MGAT4C: variants seen among roughly 807,000 people sequenced by gnomAD.
MGAT4C encodes the protein MGAT4 family member C.
MGAT4C carries 19 observed loss-of-function variants against 40.1 expected under a neutral mutation model. The observed-to-expected ratio is 0.47, with a 90% CI of 0.33 to 0.70. The LOEUF is 0.70. Ranked by LOEUF, MGAT4C falls within the 30% of genes least tolerant of loss-of-function variation. The pLI is 0.02. For missense variants in MGAT4C, 491 were observed against 563.2 expected (o/e 0.87, Z 1.30); for synonymous variants, 181 against 187.1 (o/e 0.97, Z 0.27).
At chr12:86,396,217 G>A (rs930986496) in intron 3 of MGAT4C, among the ~76,000 whole-genome samples, 1 of 152,060 alleles carries the variant, frequency 6.6e-6, no homozygotes, top group African/African-American at 2.4e-5. Context: ...TGATACCCAG[G>A]CTCCAGTTCA....
At chr12:86,814,117 G>T (rs1020719639) in intron 1 of MGAT4C, among the ~76,000 whole-genome samples, 5 of 151,756 alleles carry the variant, frequency 3.3e-5, no homozygotes, top group African/African-American at 9.7e-5. Context: ...TCACCGTGTT[G>T]CCCAGGCTGG....
chr12:86,151,792 T>C (rs550305973), intron 1 of MGAT4C, among the ~76,000 whole-genome samples: 3 of 152,396 alleles, frequency 2.0e-5, no homozygotes, highest in East Asian at 3.9e-4. Flanking sequence ...TGGCTCATAG[T>C]CATGGCTTAT....
intron 3 of MGAT4C, among the ~76,000 whole-genome samples, chr12:86,360,514 G>A (rs1051007955): frequency 5.9e-5 from 9 of 152,052 alleles, no homozygotes; most frequent in African/African-American, 2.2e-4. Flanking sequence ...AGAAATAAAG[G>A]GTATTCAATT....
chr12:86,735,646 CAAAT>C (rs1182030019), intron 1 of MGAT4C, among the ~76,000 whole-genome samples: 22 of 151,808 alleles, frequency 1.4e-4, no homozygotes, highest in East Asian at 7.8e-4. Context: ...AGGAAATACT[CAAAT>C]AAAGACTAAA....
chr12:86,522,662 A>G (rs1958815478), intron 2 of MGAT4C, among the ~76,000 whole-genome samples: 1 of 152,162 alleles, frequency 6.6e-6, no homozygotes. Context: ...GAATAGTTTC[A>G]GCAGGAACGG....
chr12:86,732,138 C>A (rs1251897976), intron 1 of MGAT4C, among the ~76,000 whole-genome samples: 1 of 152,148 alleles, frequency 6.6e-6, no homozygotes, highest in African/African-American at 2.4e-5. Flanking sequence ...TGTGCAATGG[C>A]TTTCAAGGTG....
At chr12:86,680,277 T>C (rs1008628711) in intron 2 of MGAT4C, among the ~76,000 whole-genome samples, 1 of 152,104 alleles carries the variant, frequency 6.6e-6, no homozygotes, top group African/African-American at 2.4e-5. Flanking sequence ...AATTATAGTA[T>C]GTAAACTAAC....
At chr12:86,777,739 G>A (rs568038079) in intron 1 of MGAT4C, among the ~76,000 whole-genome samples, 1 of 152,140 alleles carries the variant, frequency 6.6e-6, no homozygotes, top group East Asian at 1.9e-4. Context: ...GCTACTCCTG[G>A]CTGTCTCCAG....
intron 1 of MGAT4C, among the ~76,000 whole-genome samples, chr12:86,838,140 ATAT>A (rs927040657): frequency 6.6e-6 from 1 of 152,198 alleles, no homozygotes; most frequent in African/African-American, 2.4e-5. Flanking sequence ...TATCTACATA[ATAT>A]TATCAAAAAG....
intron 4 of MGAT4C, among the ~76,000 whole-genome samples, chr12:86,266,631 T>A (rs1397489891): frequency 6.6e-6 from 1 of 152,158 alleles, no homozygotes; most frequent in Admixed American, 6.5e-5. Flanking sequence ...GGTTTTGGTA[T>A]CAAGGTGATA....
At chr12:86,148,041 T>A (rs1328258253) in intron 1 of MGAT4C, among the ~76,000 whole-genome samples, 1 of 152,134 alleles carries the variant, frequency 6.6e-6, no homozygotes, top group Non-Finnish European at 1.5e-5. Context: ...AACAAAATAA[T>A]GTTAACAAAA....
chr12:86,600,597 C>G (rs140161156), intron 2 of MGAT4C, among the ~76,000 whole-genome samples: 1 of 152,160 alleles, frequency 6.6e-6, no homozygotes, highest in African/African-American at 2.4e-5. Flanking sequence ...CAAAGTATGG[C>G]CCATCTAAAG....
At chr12:86,551,012 G>C (rs961081664) in intron 2 of MGAT4C, among the ~76,000 whole-genome samples, 4 of 151,398 alleles carry the variant, frequency 2.6e-5, no homozygotes, top group African/African-American at 4.9e-5. Context: ...CAGGCCAGCT[G>C]ATCAGTCACG....
rs1192154745 is a variant in MGAT4C, at chr12:85,956,712, A to G, written c.*22577T>C. The G allele has an allele frequency of 6.6e-6, 1 of 152,198 alleles. No individual in the cohort carries two copies. Among genetic ancestry groups the G allele is most frequent in the East Asian group, 1.9e-4 (1 of 5,198 alleles). The allele number at this position is 152,198 out of a possible 1,614,324, so 9.4% of individuals were successfully genotyped here. A position where few individuals can be genotyped will look rare whatever the true frequency, so the allele number is the denominator to read the frequency against. ...AAACCACATAATTAGTCAATAAATCATGAGCCCAAAGTCTATCCTCAACCA... is the reference window on the plus strand; with the variant it reads ...AAACCACATAATTAGTCAATAAATCGTGAGCCCAAAGTCTATCCTCAACCA... On this transcript the variant is annotated 3_prime_UTR_variant, in exon 5 of 5. Coordinates refer to ENST00000611864, the MANE Select transcript of MGAT4C (RefSeq NM_001351288.2).
intron 1 of MGAT4C, among the ~76,000 whole-genome samples, chr12:86,173,350 A>T (rs1887048798): frequency 6.6e-6 from 1 of 152,110 alleles, no homozygotes; most frequent in Non-Finnish European, 1.5e-5. Flanking sequence ...ACATGAAGAG[A>T]TATATATTTT....
At position 86,009,021 on chromosome 12, in the gene MGAT4C, T is replaced by C. The variant is rs374503046; in HGVS notation, c.-6-19469A>G. Among the ~76,000 whole-genome samples the C allele has an allele frequency of 2.0e-5, 3 of 152,130 alleles. No individual in the cohort carries two copies. In the South Asian group the frequency reaches 6.2e-4, roughly 31 times the overall value. ...TCTGCATTTATGTTCTTCAGAAATA[T>C]TGATATGTAATTTTCTTTTTTATTT... On this transcript the variant is annotated intron_variant, in intron 2 of 4. Coordinates refer to ENST00000611864, the MANE Select transcript of MGAT4C (RefSeq NM_001351288.2).
intron 1 of MGAT4C, among the ~76,000 whole-genome samples, chr12:86,150,420 A>G (rs1437267261): frequency 2.0e-5 from 3 of 152,222 alleles, no homozygotes; most frequent in Non-Finnish European, 4.4e-5. Context: ...TTATTACTCA[A>G]TAACTGTCCC....
chr12:86,561,309 A>C (rs1959852916), intron 2 of MGAT4C, among the ~76,000 whole-genome samples: 1 of 152,208 alleles, frequency 6.6e-6, no homozygotes. Flanking sequence ...TGAAGGATGC[A>C]AAGTATTGTT....
chr12:86,371,893 T>TGAAATAAACACTTTCCTG (rs1955721210), intron 3 of MGAT4C, among the ~76,000 whole-genome samples: 3 of 151,954 alleles, frequency 2.0e-5, no homozygotes, highest in Admixed American at 1.3e-4. Context: ...TAATAAGTCA[T>TGAAATAAACACTTTCCTG]GAAATAAACA....
Sources: allele counts gnomAD v4.1 joint callset (sites outside exome capture counted in the v4.1 genomes callset), GRCh38; gene constraint gnomAD v4.1.1; transcripts MANE v1.5; gene names NCBI Gene and HGNC (gene_info 2026-07-23, HGNC 2026-07-21).